Variants in PPP4R1 observed in about 807,000 individuals in gnomAD.
PPP4R1 encodes the protein serine/threonine-protein phosphatase 4 regulatory subunit 1.
Under a neutral mutation model 111.2 loss-of-function variants are expected in PPP4R1, and 42 were observed. The observed-to-expected ratio is 0.38, with a 90% CI of 0.29 to 0.49. The LOEUF is 0.49. Ranked by LOEUF, PPP4R1 falls within the 20% of genes least tolerant of loss-of-function variation. The probability of loss-of-function intolerance (pLI) is 0.97; values close to 1 mark genes in which losing one functional copy is unlikely to be tolerated. For missense variants in PPP4R1, 1,012 were observed against 1,161.6 expected, an observed-to-expected ratio of 0.87 and a Z score of 1.87; for synonymous variants, 409 against 405.5, an observed-to-expected ratio of 1.01 and a Z score of -0.10.
At chr18:9,612,382 T>A (rs2067597112) in intron 2 of PPP4R1, 1 of 152,236 alleles carries the variant, frequency 6.6e-6, no homozygotes, top group Admixed American at 6.5e-5. Flanking sequence ...ACTGTACACC[T>A]AGATTCAAAA....
chr18:9,556,911 C>A, intron 15 of PPP4R1: 1 of 192,692 alleles, frequency 5.2e-6, no homozygotes, highest in African/African-American at 2.4e-5. Context: ...CATGGGGGAC[C>A]TGGAACCAAT....
intron 2 of PPP4R1, among the ~76,000 whole-genome samples, chr18:9,604,514 T>G (rs2067445926): frequency 6.6e-6 from 1 of 152,198 alleles, no homozygotes; most frequent in African/African-American, 2.4e-5. Flanking sequence ...GTCAATTTGC[T>G]GCAACATGCC....
chr18:9,614,340 C>A lies in PPP4R1; in HGVS notation c.8-70G>T. On this transcript the variant is annotated intron_variant, in intron 1 of 19. Transcript: ENST00000400556. This position sits in a 1 kb window ranked among gnomAD's most constrained non-coding sequence, Gnocchi z 4.1. ...CCCGGCGCGACGCCCCCCCCCCGCC[C>A]GCCTCCCCCCCGCCCCGGGGGCGCC... 1.9e-6 allele frequency: 2 copies of A among 1,075,540 alleles called. No individual in the cohort carries two copies. The highest frequency in any genetic ancestry group is 1.1e-6 in the Non-Finnish European group (1 of 879,294). 66.6% of individuals were successfully genotyped at this position (1,075,540 alleles called of 1,614,324 possible). A position where few individuals can be genotyped will look rare whatever the true frequency, so the allele number is the denominator to read the frequency against.
chr18:9,614,532 A>T lies in PPP4R1; in HGVS notation c.-48T>A. On this transcript the variant is annotated 5_prime_UTR_variant, in exon 1 of 20. It removes an upstream start codon present in the reference 5' UTR. Transcript: ENST00000400556. This position sits in a 1 kb window ranked among gnomAD's most constrained non-coding sequence, Gnocchi z 4.1. ...CGGCCGCCCGGGGAGCCGGGGCTAC[A>T]TGGAGCGGCGCGAGCCGGGGAGCCG... 2.0e-6 allele frequency: 2 copies of T among 1,003,178 alleles called. No homozygotes were observed. Among genetic ancestry groups the T allele is most frequent in the Non-Finnish European group, 2.4e-6 (2 of 842,802 alleles). 62.1% of individuals were successfully genotyped at this position (1,003,178 alleles called of 1,614,324 possible). A position where few individuals can be genotyped will look rare whatever the true frequency, so the allele number is the denominator to read the frequency against.
Position 9,614,123 on chromosome 18 carries a change from C to G in PPP4R1, c.52+103G>C, listed in dbSNP as rs968775042. The G allele has an allele frequency of 9.6e-7, 1 of 1,039,678 alleles. No homozygotes were observed. The highest frequency in any genetic ancestry group is 1.2e-6 in the Non-Finnish European group (1 of 817,598). 64.4% of individuals were successfully genotyped at this position (1,039,678 alleles called of 1,614,324 possible). ...CCCGCCTGGGGCCGCCCTCGCCCAC[C>G]GTCCCCTCAGCCAGCCAGGGCCCGG... On this transcript the variant is annotated intron_variant, in intron 2 of 19. Transcript: ENST00000400556. This position sits in a 1 kb window ranked among gnomAD's most constrained non-coding sequence, Gnocchi z 4.1.
In PPP4R1 at chr18:9,563,448, T is replaced by C; in HGVS notation, c.1676A>G (p.Asp559Gly). 1 of 1,610,962 alleles carries C rather than the reference T, an allele frequency of 6.2e-7. No individual in the cohort carries two copies. ...TTTACAATTTGGTAGCTCATTTATATCCAGTTCATCTTGCAAATCACTTCT... is the reference window on the plus strand; with the variant it reads ...TTTACAATTTGGTAGCTCATTTATACCCAGTTCATCTTGCAAATCACTTCT... ...EKRSDLQDEL[D>G]INELPNCKIN... Residue 559 changes from aspartate to glycine, a missense_variant, in exon 12 of 20, where the codon GAT becomes GGT. Coordinates refer to ENST00000400556, the MANE Select transcript of PPP4R1 (RefSeq NM_001042388.3).
chr18:9,614,767 C>G (rs1416063868), upstream of PPP4R1: 1 of 147,720 alleles, frequency 6.8e-6, no homozygotes. This position sits in a 1 kb window ranked among gnomAD's most constrained non-coding sequence, Gnocchi z 4.1. Context: ...CGCTGCTTGC[C>G]GGGTCCCGGC....
At chr18:9,576,523 T>C (rs1319662638) in intron 10 of PPP4R1, among the ~76,000 whole-genome samples, 4 of 152,168 alleles carry the variant, frequency 2.6e-5, no homozygotes, top group African/African-American at 9.7e-5. Flanking sequence ...GAGACTGATA[T>C]ACTTAAAACT....
At position 9,588,778 on chromosome 18, in the gene PPP4R1, A is replaced by G. The variant is rs914446269; in HGVS notation, c.371T>C (p.Ile124Thr). 5 of 1,613,938 alleles carry G rather than the reference A, an allele frequency of 3.1e-6. No individual in the cohort carries two copies. The highest frequency in any genetic ancestry group is 4.2e-6 in the Non-Finnish European group (5 of 1,179,930). Residue 124 changes from isoleucine (I) to threonine (T), a missense_variant, in exon 5 of 20, where the codon ATA (isoleucine) becomes ACA (threonine). Ile to Thr is a moderately conservative substitution (Grantham distance 89). This residue lies in a region of PPP4R1 where 707 missense variants were observed against 742.1 expected (regional missense o/e 0.95). Coordinates refer to ENST00000400556, the MANE Select transcript of PPP4R1 (RefSeq NM_001042388.3). ...TAAGAATTTTGAAAAAGCATATGGT[A>G]TTGAAGGCCGGTTTTCTTGACAAAA... is the stretch of plus-strand genomic sequence containing the variant. ...ALFCQENRPS[I>T]PYAFSKFLLP...
At chr18:9,566,269 T>C (rs993048941) in intron 11 of PPP4R1, among the ~76,000 whole-genome samples, 1 of 152,066 alleles carries the variant, frequency 6.6e-6, no homozygotes, top group Non-Finnish European at 1.5e-5. Context: ...TCTAGAACTT[T>C]CCTAGCTAAA....
chr18:9,612,789 T>C lies in PPP4R1; in HGVS notation c.52+1437A>G, dbSNP rs146746406. 61 of 152,304 alleles carry C rather than the reference T, an allele frequency of 4.0e-4. 2 individuals are homozygous for C. The East Asian group carries it at 0.011, about 28-fold the overall frequency. 9.4% of individuals were successfully genotyped at this position (152,304 alleles called of 1,614,324 possible). A position where few individuals can be genotyped will look rare whatever the true frequency, so the allele number is the denominator to read the frequency against. On this transcript the variant is annotated intron_variant, in intron 2 of 19. Transcript: ENST00000400556. ...GGCTTAAGGTAAACATTAAATAAAA[T>C]GTTAAAGCTGCCCTTCACTACATGA... is the stretch of plus-strand genomic sequence containing the variant.
At chr18:9,597,484 T>A (rs1158194564) in intron 2 of PPP4R1, among the ~76,000 whole-genome samples, 1 of 152,206 alleles carries the variant, frequency 6.6e-6, no homozygotes, top group Non-Finnish European at 1.5e-5. Flanking sequence ...ACAGTTTATG[T>A]GTGTGAGGAA....
At chr18:9,555,766 C>T (rs370960512) in intron 15 of PPP4R1, among the ~76,000 whole-genome samples, 111 of 152,248 alleles carry the variant, frequency 7.3e-4, no homozygotes, top group African/African-American at 2.5e-3. Context: ...AGAAAGATAA[C>T]ATTTAAATTT....
At chr18:9,585,906 C>T (rs547188698) in intron 6 of PPP4R1, among the ~76,000 whole-genome samples, 5 of 152,216 alleles carry the variant, frequency 3.3e-5, no homozygotes, top group Admixed American at 3.3e-4. Context: ...TGTTCATAGA[C>T]TGTGAAACTG....
At position 9,569,191 on chromosome 18, in the gene PPP4R1, GAAAAAAA is replaced by G. The variant is rs1175501445; in HGVS notation, c.1573+959_1573+965del. On this transcript the variant is annotated intron_variant, in intron 11 of 19. Coordinates refer to ENST00000400556, the MANE Select transcript of PPP4R1 (RefSeq NM_001042388.3). ...GGCAACAAAGCGAGACTCCGTCTCA[GAAAAAAA>G]AAAAAAAAAAAGAAGAAAACCGGAG... 5.3e-4 allele frequency among the ~76,000 whole-genome samples: 28 copies of G among 53,314 alleles called. No homozygotes were observed. In the East Asian group the frequency reaches 0.016, roughly 31 times the overall value. The allele number at this position is 53,314 out of a possible 152,430, so 35.0% of individuals were successfully genotyped here.
intron 4 of PPP4R1, chr18:9,590,088 TACAG>T (rs1299380451): frequency 1.3e-5 from 2 of 152,210 alleles, no homozygotes. Flanking sequence ...GTGACTGAAA[TACAG>T]ACAGACATGA....
chr18:9,614,159 G>C lies in PPP4R1; in HGVS notation c.52+67C>G. 8.0e-7 allele frequency: 1 copy of C among 1,253,592 alleles called. No homozygotes were observed. The highest frequency in any genetic ancestry group is 4.1e-5 in the Admixed American group (1 of 24,136). The allele number at this position is 1,253,592 out of a possible 1,614,324, so 77.7% of individuals were successfully genotyped here. A position where few individuals can be genotyped will look rare whatever the true frequency, so the allele number is the denominator to read the frequency against. ...CCAGCCAGGGCCCGGCCCAGGCCTCGCCGCCGCCCGCCCTCCCCGGCCGCT... is the reference window on the plus strand; with the variant it reads ...CCAGCCAGGGCCCGGCCCAGGCCTCCCCGCCGCCCGCCCTCCCCGGCCGCT... On this transcript the variant is annotated intron_variant, in intron 2 of 19. Transcript: ENST00000400556. This position sits in a 1 kb window ranked among gnomAD's most constrained non-coding sequence, Gnocchi z 4.1.
chr18:9,588,617 G>A (rs1318464949), intron 5 of PPP4R1, 94 bp downstream of exon 5: 6 of 1,274,740 alleles, frequency 4.7e-6, no homozygotes, highest in Non-Finnish European at 6.4e-6. Context: ...TTGAAAAACA[G>A]TAAAACATTC....
chr18:9,555,997 C>CAAAAAAAA (rs71358236), intron 15 of PPP4R1, among the ~76,000 whole-genome samples: 1 of 136,840 alleles, frequency 7.3e-6, no homozygotes, highest in Non-Finnish European at 1.6e-5. Context: ...AACAAACAAA[C>CAAAAAAAA]AAAAAAACAC....
Sources: allele counts gnomAD v4.1 joint callset (sites outside exome capture counted in the v4.1 genomes callset), GRCh38; gene constraint gnomAD v4.1.1; regional missense constraint gnomAD v4.1.1; non-coding constraint Gnocchi (gnomAD v3.1); transcripts MANE v1.5; gene names NCBI Gene and HGNC (gene_info 2026-07-23, HGNC 2026-07-21).